Variants in AHNAK observed in about 807,000 individuals in gnomAD.
AHNAK encodes neuroblast differentiation-associated protein AHNAK.
AHNAK carries 23 observed loss-of-function variants against 37.8 expected under a neutral mutation model. The observed-to-expected ratio is 0.61, with a 90% confidence interval of 0.44 to 0.86. The LOEUF (loss-of-function observed/expected upper bound fraction) is 0.86. AHNAK is among the 40% of genes least tolerant of loss of function. The probability of loss-of-function intolerance (pLI) is 0.00; values close to 1 mark genes in which losing one functional copy is unlikely to be tolerated. For missense variants in AHNAK, 7,411 were observed against 7,319.4 expected (o/e 1.01, Z -0.46); for synonymous variants, 2,481 against 2,636.3 (o/e 0.94, Z 1.80).
rs1940461075 is a variant in AHNAK at position 62,525,817 on chromosome 11, G to A, written c.8600C>T (p.Pro2867Leu). 6.2e-7 allele frequency: 1 copy of A among 1,613,970 alleles called. No homozygotes were observed. Among genetic ancestry groups the A allele is most frequent in the Non-Finnish European group, 8.5e-7 (1 of 1,180,002 alleles). ...TTTGGGGCCTTTGAGGTCAACTTCAGGACCTTTCAGATCTCCCTCTACCTT... is the reference window on the plus strand; with the variant it reads ...TTTGGGGCCTTTGAGGTCAACTTCAAGACCTTTCAGATCTCCCTCTACCTT... Reference protein sequence around the residue: ...GPKVEGDLKGPEVDLKGPKVD... With the variant: ...GPKVEGDLKGLEVDLKGPKVD... The change falls in exon 5 of 5, where the codon CCT becomes CTT. Residue 2867 changes from proline to leucine, a missense_variant. Physicochemically the swap from Pro to Leu is moderately conservative, Grantham distance 98. Coordinates refer to ENST00000378024, the MANE Select transcript of AHNAK (RefSeq NM_001620.3).
At chr11:62,461,746 A>G (rs1353115671) in intron 5 of AHNAK, among the ~76,000 whole-genome samples, 1 of 148,992 alleles carries the variant, frequency 6.7e-6, no homozygotes, top group Admixed American at 6.8e-5. Context: ...AATCACTTGA[A>G]CCCGGGAGGC....
At chr11:62,486,189 T>C (rs1022402798) in intron 5 of AHNAK, among the ~76,000 whole-genome samples, 2 of 151,678 alleles carry the variant, frequency 1.3e-5, no homozygotes, top group Non-Finnish European at 1.5e-5. Flanking sequence ...AGTCAGAAAG[T>C]AGCAGCCAGG....
intron 5 of AHNAK, among the ~76,000 whole-genome samples, chr11:62,474,345 C>T (rs969543029): frequency 2.0e-5 from 3 of 152,024 alleles, no homozygotes; most frequent in African/African-American, 7.2e-5. Flanking sequence ...CCACCACGCC[C>T]AGCTAATTTT....
chr11:62,478,825 T>TA (rs1163198092), intron 5 of AHNAK, among the ~76,000 whole-genome samples: 2 of 151,242 alleles, frequency 1.3e-5, no homozygotes, highest in African/African-American at 2.4e-5. Context: ...AATACACCAT[T>TA]AAAAAAATCC....
intron 4 of AHNAK, among the ~76,000 whole-genome samples, chr11:62,501,560 C>T (rs1476644354): frequency 1.3e-5 from 2 of 152,142 alleles, no homozygotes; most frequent in African/African-American, 4.8e-5. Flanking sequence ...AGCAAAACTC[C>T]ATCTCAAAAA....
chr11:62,517,134 G>A lies in AHNAK; in HGVS notation c.17283C>T (p.Ala5761=), dbSNP rs1334911127. The change falls in exon 5 of 5, where the codon GCC becomes GCT. Residue 5761 remains alanine, a synonymous_variant. Coordinates refer to ENST00000378024, the MANE Select transcript of AHNAK (RefSeq NM_001620.3). ...GSLEGEAEAE[A]SSPKGKFSLF... is the part of the protein sequence containing the mutation. Reference sequence around the variant, plus strand: ...AGGAGAATTTGCCTTTCGGTGAAGAGGCTTCGGCCTCTGCCTCTCCTTCCA... The same window carrying A: ...AGGAGAATTTGCCTTTCGGTGAAGAAGCTTCGGCCTCTGCCTCTCCTTCCA... 3 of 1,613,058 alleles carry A rather than the reference G, an allele frequency of 1.9e-6. No homozygotes were observed. The highest frequency in any genetic ancestry group is 2.5e-6 in the Non-Finnish European group (3 of 1,179,880).
At chr11:62,444,290 T>C (rs900760684) in intron 5 of AHNAK, among the ~76,000 whole-genome samples, 27 of 152,210 alleles carry the variant, frequency 1.8e-4, no homozygotes, top group Non-Finnish European at 3.5e-4. Flanking sequence ...CGGAGGAGCT[T>C]CTCAGAGGCC....
In AHNAK at chr11:62,523,237, T is replaced by C. The variant is rs1940335326; in HGVS notation, c.11180A>G (p.Lys3727Arg). The C allele has an allele frequency of 3.1e-6, 5 of 1,613,636 alleles. No homozygotes were observed. Among genetic ancestry groups the C allele is most frequent in the African/African-American group, 1.3e-5 (1 of 74,772 alleles). ...TATCTTAAATTTGGGTCCCTTGAATTTACCCTCTGAGCCTTCGATGTTAAT... is the reference window on the plus strand; with the variant it reads ...TATCTTAAATTTGGGTCCCTTGAATCTACCCTCTGAGCCTTCGATGTTAAT... ...PDINIEGSEG[K>R]FKGPKFKIPE... Residue 3727 changes from lysine to arginine, a missense_variant, in exon 5 of 5, where the codon AAA (lysine) becomes AGA (arginine). Lys to Arg is a conservative substitution (Grantham distance 26). Transcript: ENST00000378024.
In AHNAK at chr11:62,530,782, T is replaced by A. The variant is rs752773391; in HGVS notation, c.3635A>T (p.Asp1212Val). The A allele has an allele frequency of 1.2e-6, 2 of 1,613,096 alleles. No homozygotes were observed. Among genetic ancestry groups the A allele is most frequent in the Non-Finnish European group, 1.7e-6 (2 of 1,179,842 alleles). Residue 1212 changes from aspartate to valine, a missense_variant, in exon 5 of 5, where the codon GAT becomes GTT. Transcript: ENST00000378024. ...TACCTTGGGCACAGACACATCCACA[T>A]CCCCTTTGACTTTGGGGCCTTTCAA... ...LHLKGPKVKG[D>V]VDVSVPKVEG... is the part of the protein sequence containing the mutation.
At chr11:62,456,422 T>C (rs1938659543) in intron 5 of AHNAK, among the ~76,000 whole-genome samples, 1 of 152,204 alleles carries the variant, frequency 6.6e-6, no homozygotes, top group Non-Finnish European at 1.5e-5. Context: ...TTCAATCTAC[T>C]GACAACATAG....
At chr11:62,435,215 GC>G (rs921382484) in intron 5 of AHNAK, among the ~76,000 whole-genome samples, 9 of 152,052 alleles carry the variant, frequency 5.9e-5, no homozygotes, top group Non-Finnish European at 1.0e-4. Context: ...AGTTCAAAAT[GC>G]CCCCCTTTCC....
chr11:62,541,620 G>A (rs1941126545), intron 1 of AHNAK, among the ~76,000 whole-genome samples: 1 of 152,232 alleles, frequency 6.6e-6, no homozygotes, highest in Non-Finnish European at 1.5e-5. Context: ...CAAGTAGAAA[G>A]AGAATTCTGC....
intron 2 of AHNAK, 119 bp from the exon 3 acceptor site, chr11:62,536,217 C>G: frequency 9.1e-7 from 1 of 1,098,224 alleles, no homozygotes; most frequent in Non-Finnish European, 1.2e-6. Context: ...CAGCAATGCA[C>G]CTGCCCCTGC....
At position 62,525,191 on chromosome 11, in the gene AHNAK, C is replaced by G. The variant is rs777467827; in HGVS notation, c.9226G>C (p.Gly3076Arg). The part of the protein sequence containing the change: ...NIEGPEGKLK[G>R]PKFKMPEMNI... ...ATCTCAGGCATTTTGAATTTGGGAC[C>G]TTTCAACTTTCCCTCTGGGCCTTCG... is the stretch of plus-strand genomic sequence containing the variant. Residue 3076 changes from glycine (G) to arginine (R), a missense_variant, in exon 5 of 5, where the codon GGT becomes CGT. Gly to Arg is a moderately radical substitution (Grantham distance 125, BLOSUM62 -2). Transcript: ENST00000378024. The G allele has an allele frequency of 2.0e-5, 33 of 1,611,434 alleles. No individual in the cohort carries two copies. Among genetic ancestry groups the G allele is most frequent in the Non-Finnish European group, 2.6e-5 (31 of 1,179,474 alleles).
chr11:62,517,739 T>C lies in AHNAK; in HGVS notation c.16678A>G (p.Asn5560Asp), dbSNP rs1181195140. Residue 5560 changes from asparagine to aspartate, a missense_variant, in exon 5 of 5, where the codon AAC (asparagine) becomes GAC (aspartate). Coordinates refer to ENST00000378024, the MANE Select transcript of AHNAK (RefSeq NM_001620.3). ...CCTTTGATTTTTGGGCCCTTCAAGT[T>C]GATGCCAAAATCTGACTCAGGAGAT... is the stretch of plus-strand genomic sequence containing the variant. ...MASPESDFGI[N>D]LKGPKIKGGA... is the part of the protein sequence containing the mutation. The C allele has an allele frequency of 6.2e-7, 1 of 1,614,046 alleles. No homozygotes were observed. The highest frequency in any genetic ancestry group is 8.5e-7 in the Non-Finnish European group (1 of 1,180,036).
Position 62,517,442 on chromosome 11 carries a change from G to T in AHNAK, c.16975C>A (p.Pro5659Thr). The change falls in exon 5 of 5, where the codon CCT becomes ACT. Residue 5659 changes from proline to threonine, a missense_variant. Transcript: ENST00000378024. ...LESGSGKVTF[P>T]KMKIPKFTFS... ...GTAAATTTGGGGATCTTCATTTTAG[G>T]GAATGTTACTTTTCCAGATCCACTT... The T allele has an allele frequency of 6.2e-7, 1 of 1,614,114 alleles. No homozygotes were observed. Among genetic ancestry groups the T allele is most frequent in the Non-Finnish European group, 8.5e-7 (1 of 1,180,014 alleles).
chr11:62,482,687 A>G (rs2134874115), intron 5 of AHNAK, among the ~76,000 whole-genome samples: 1 of 152,278 alleles, frequency 6.6e-6, no homozygotes, highest in Admixed American at 6.5e-5. Context: ...TGAGCATGCC[A>G]TCCCTCCCTC....
At chr11:62,447,204 C>A (rs1938437642) in intron 5 of AHNAK, among the ~76,000 whole-genome samples, 2 of 152,174 alleles carry the variant, frequency 1.3e-5, no homozygotes, top group Admixed American at 6.5e-5. Flanking sequence ...AAGCGCTATT[C>A]CCTCCTTACT....
At chr11:62,489,160 G>A (rs1415270460) in intron 5 of AHNAK, among the ~76,000 whole-genome samples, 1 of 151,734 alleles carries the variant, frequency 6.6e-6, no homozygotes, top group Non-Finnish European at 1.5e-5. Flanking sequence ...AGGATTGCTT[G>A]AACGCGGGAG....
Sources: allele counts gnomAD v4.1 joint callset (sites outside exome capture counted in the v4.1 genomes callset), GRCh38; gene constraint gnomAD v4.1.1; transcripts MANE v1.5; gene names NCBI Gene and HGNC (gene_info 2026-07-23, HGNC 2026-07-21).